Variants in ZFPM2 observed in about 807,000 individuals in gnomAD.
ZFPM2 encodes zinc finger protein, FOG family member 2, also known as zinc finger protein ZFPM2.
ZFPM2 carries 20 observed loss-of-function variants against 98.6 expected under a neutral mutation model. That is an observed-to-expected ratio of 0.20 (90% CI 0.14 to 0.29). The LOEUF is 0.29. Among genes scored for constraint, ZFPM2 ranks in the 10% least tolerant of loss-of-function variants. The pLI, the probability that ZFPM2 is intolerant of heterozygous loss-of-function variation, is 1.00. For missense variants in ZFPM2, 1,310 were observed against 1,388.6 expected, an observed-to-expected ratio of 0.94 and a Z score of 0.90; for synonymous variants, 518 against 502.7, an observed-to-expected ratio of 1.03 and a Z score of -0.41.
intron 4 of ZFPM2, among the ~76,000 whole-genome samples, chr8:105,626,228 A>G (rs775117380): frequency 6.6e-6 from 1 of 152,166 alleles, no homozygotes; most frequent in Admixed American, 6.6e-5. Context: ...TGAAAATTCA[A>G]TCGTATAAGG....
chr8:105,386,486 A>T (rs1173156128), intron 1 of ZFPM2, among the ~76,000 whole-genome samples: 1 of 151,904 alleles, frequency 6.6e-6, no homozygotes, highest in Non-Finnish European at 1.5e-5. Context: ...GTGTGTCTGG[A>T]GTTTGTTCCT....
intron 1 of ZFPM2, among the ~76,000 whole-genome samples, chr8:105,385,684 T>C (rs893386149): frequency 5.3e-5 from 8 of 152,322 alleles, no homozygotes; most frequent in African/African-American, 1.9e-4. Context: ...ACATCACTCT[T>C]AGATCTCTCT....
chr8:105,562,897 G>A (rs1815169824), intron 4 of ZFPM2, among the ~76,000 whole-genome samples: 1 of 152,178 alleles, frequency 6.6e-6, no homozygotes, highest in Non-Finnish European at 1.5e-5. Context: ...TTTGCAAGGA[G>A]CTATTCTGCC....
intron 5 of ZFPM2, among the ~76,000 whole-genome samples, chr8:105,731,905 CT>C (rs1811948829): frequency 6.6e-6 from 1 of 151,704 alleles, no homozygotes; most frequent in African/African-American, 2.4e-5. Context: ...TATCTTCCTG[CT>C]TAGTTTATTG....
intron 5 of ZFPM2, among the ~76,000 whole-genome samples, chr8:105,650,113 A>G (rs548905391): frequency 1.4e-4 from 21 of 152,210 alleles, no homozygotes; most frequent in East Asian, 1.9e-4. Flanking sequence ...GGGAGGGTCT[A>G]TGTGTCGAGG....
chr8:105,357,997 G>A (rs1812780373), intron 1 of ZFPM2, among the ~76,000 whole-genome samples: 1 of 152,220 alleles, frequency 6.6e-6, no homozygotes, highest in Admixed American at 6.5e-5. Flanking sequence ...ACAAAATTAA[G>A]CAAAGAGCTT....
chr8:105,717,703 G>A (rs746041024), intron 5 of ZFPM2, among the ~76,000 whole-genome samples: 1 of 151,782 alleles, frequency 6.6e-6, no homozygotes, highest in East Asian at 1.9e-4. Flanking sequence ...TTATAATTTA[G>A]TAAAGGAGCA....
chr8:105,504,500 A>G (rs1446295822), intron 3 of ZFPM2, among the ~76,000 whole-genome samples: 1 of 152,176 alleles, frequency 6.6e-6, no homozygotes, highest in Non-Finnish European at 1.5e-5. Flanking sequence ...AGCCTTCTTA[A>G]ATTGGATGTC....
intron 5 of ZFPM2, among the ~76,000 whole-genome samples, chr8:105,719,474 C>T (rs573915469): frequency 2.6e-5 from 4 of 151,990 alleles, no homozygotes; most frequent in Admixed American, 6.6e-5. Context: ...ATATCTTGGA[C>T]TCTGAATTCG....
intron 4 of ZFPM2, among the ~76,000 whole-genome samples, chr8:105,587,166 A>G (rs1306138970): frequency 6.6e-6 from 1 of 151,010 alleles, no homozygotes; most frequent in Non-Finnish European, 1.5e-5. Context: ...AGTCCCAGCT[A>G]CTCGGGAGGC....
intron 3 of ZFPM2, among the ~76,000 whole-genome samples, chr8:105,486,514 T>C (rs1563680835): frequency 6.6e-6 from 1 of 152,156 alleles, no homozygotes; most frequent in Non-Finnish European, 1.5e-5. Context: ...TTGATAACTG[T>C]CCTAGGTATT....
At chr8:105,661,584 T>C (rs1452840989) in intron 5 of ZFPM2, among the ~76,000 whole-genome samples, 2 of 152,216 alleles carry the variant, frequency 1.3e-5, no homozygotes, top group Non-Finnish European at 2.9e-5. Flanking sequence ...AGCTCCGAGT[T>C]GTCTGTTGGC....
At chr8:105,701,772 T>A (rs1811146893) in intron 5 of ZFPM2, among the ~76,000 whole-genome samples, 2 of 152,220 alleles carry the variant, frequency 1.3e-5, no homozygotes, top group Non-Finnish European at 2.9e-5. Context: ...AAGAACTGTG[T>A]GTTAACCTGA....
chr8:105,544,426 C>A (rs546907959), intron 3 of ZFPM2, among the ~76,000 whole-genome samples: 3 of 152,206 alleles, frequency 2.0e-5, no homozygotes, highest in Admixed American at 6.5e-5. Context: ...AAATTAATTT[C>A]TCTTAAGTGC....
At chr8:105,389,198 C>T (rs1811060530) in intron 1 of ZFPM2, among the ~76,000 whole-genome samples, 1 of 152,022 alleles carries the variant, frequency 6.6e-6, no homozygotes. Context: ...ATAGGACACT[C>T]AGACATGTCT....
At chr8:105,756,317 G>C (rs1812596297) in intron 5 of ZFPM2, among the ~76,000 whole-genome samples, 2 of 152,192 alleles carry the variant, frequency 1.3e-5, no homozygotes, top group Admixed American at 1.3e-4. Context: ...CTCAGGGGTT[G>C]CCTGTACCAG....
chr8:105,517,657 C>T (rs1271309128), intron 3 of ZFPM2, among the ~76,000 whole-genome samples: 1 of 144,076 alleles, frequency 6.9e-6, no homozygotes, highest in South Asian at 2.3e-4. Flanking sequence ...TGAGACCAGC[C>T]TGGGGAACAT....
chr8:105,691,691 C>G (rs1240486702), intron 5 of ZFPM2, among the ~76,000 whole-genome samples: 1 of 152,036 alleles, frequency 6.6e-6, no homozygotes, highest in East Asian at 1.9e-4. Context: ...AGTTTAGTTT[C>G]TTCTTGTTTA....
intron 3 of ZFPM2, among the ~76,000 whole-genome samples, chr8:105,501,184 C>A (rs75604432): frequency 2.4e-5 from 3 of 127,400 alleles, no homozygotes; most frequent in Admixed American, 2.3e-4. Context: ...TTACTTTTCT[C>A]TTTTTTTTTT....
Sources: allele counts gnomAD v4.1 joint callset (sites outside exome capture counted in the v4.1 genomes callset), GRCh38; gene constraint gnomAD v4.1.1; transcripts MANE v1.5; gene names NCBI Gene and HGNC (gene_info 2026-07-23, HGNC 2026-07-21).